PPP3R1: variants seen among roughly 807,000 people sequenced by gnomAD.
PPP3R1 encodes the protein protein phosphatase 3 regulatory subunit B, alpha, also known as calcineurin subunit B type 1.
A neutral mutation model predicts 22.6 loss-of-function variants in PPP3R1; 5 were observed. That is an observed-to-expected ratio of 0.22 (90% CI 0.12 to 0.46). PPP3R1 has a LOEUF of 0.46. PPP3R1 is among the 20% of genes least tolerant of loss of function. PPP3R1 has a pLI of 0.99. For missense variants in PPP3R1, 61 were observed against 203.2 expected (o/e 0.30, Z 4.25); for synonymous variants, 56 against 65.2 (o/e 0.86, Z 0.68).
intron 2 of PPP3R1, among the ~76,000 whole-genome samples, chr2:68,198,192 A>ATATGTGCATACATATATACAT (rs1674843681): frequency 6.9e-6 from 1 of 145,944 alleles, no homozygotes; most frequent in African/African-American, 2.5e-5. Flanking sequence ...TATAATATAT[A>ATATGTGCATACATATATACAT]TTTACATATA....
chr2:68,197,580 A>G (rs1164612092), intron 2 of PPP3R1, among the ~76,000 whole-genome samples: 1 of 152,160 alleles, frequency 6.6e-6, no homozygotes, highest in Non-Finnish European at 1.5e-5. Context: ...TCCCATCAGC[A>G]ATATATGATT....
At chr2:68,223,839 G>T (rs73935316) in intron 1 of PPP3R1, among the ~76,000 whole-genome samples, 4,907 of 149,770 alleles carry the variant, frequency 0.033, 289 homozygotes, top group African/African-American at 0.11. Context: ...TATACAGATT[G>T]GAAAGGAATA....
In PPP3R1 at chr2:68,206,557, G is replaced by A. The variant is rs1158979507; in HGVS notation, c.43+10535C>T. ...TGTCGGTAACATATAAGGAGACTGA[G>A]AGAAATAACTACACAGGTCAAAGAA... is the stretch of plus-strand genomic sequence containing the variant. On this transcript the variant is annotated intron_variant, in intron 2 of 5. Coordinates refer to ENST00000234310, the MANE Select transcript of PPP3R1 (RefSeq NM_000945.4). Among the ~76,000 whole-genome samples, 3 of 152,302 alleles carry A rather than the reference G, an allele frequency of 2.0e-5. No homozygotes were observed. In the East Asian group the frequency reaches 5.8e-4, roughly 29 times the overall value.
At chr2:68,224,227 C>T (rs1189966244) in intron 1 of PPP3R1, among the ~76,000 whole-genome samples, 2 of 152,060 alleles carry the variant, frequency 1.3e-5, no homozygotes, top group Non-Finnish European at 2.9e-5. Context: ...GAAGACAATC[C>T]TAATAAAAAT....
At chr2:68,250,415 A>G (rs577062541) in intron 1 of PPP3R1, among the ~76,000 whole-genome samples, 5 of 152,348 alleles carry the variant, frequency 3.3e-5, no homozygotes, top group Admixed American at 3.3e-4. Context: ...ACTTCGCTGT[A>G]TAATATATAA....
At chr2:68,221,115 T>C (rs1351019728) in intron 1 of PPP3R1, among the ~76,000 whole-genome samples, 1 of 152,098 alleles carries the variant, frequency 6.6e-6, no homozygotes, top group Non-Finnish European at 1.5e-5. Flanking sequence ...GCAGATCACT[T>C]GAGGTCAGGA....
At chr2:68,240,803 A>T (rs1180544652) in intron 1 of PPP3R1, among the ~76,000 whole-genome samples, 2 of 152,230 alleles carry the variant, frequency 1.3e-5, no homozygotes, top group Non-Finnish European at 2.9e-5. Context: ...CTTTTAGGCT[A>T]TGTTGAAGAT....
chr2:68,182,863 T>C (rs918511163), intron 5 of PPP3R1, among the ~76,000 whole-genome samples: 29 of 152,380 alleles, frequency 1.9e-4, no homozygotes, highest in African/African-American at 5.8e-4. Context: ...CTGGGTGTTC[T>C]ATGTAATTAT....
chr2:68,245,847 T>G (rs1025167433), intron 1 of PPP3R1, among the ~76,000 whole-genome samples: 5 of 152,188 alleles, frequency 3.3e-5, no homozygotes, highest in Non-Finnish European at 7.3e-5. Flanking sequence ...CTTTCCAGCC[T>G]AAACTCTTAT....
chr2:68,246,249 A>G (rs1318849998), intron 1 of PPP3R1, among the ~76,000 whole-genome samples: 2 of 150,908 alleles, frequency 1.3e-5, no homozygotes, highest in Admixed American at 1.3e-4. Context: ...TAATTTTTGT[A>G]TTTTTAGTAG....
At chr2:68,250,135 T>C (rs765576633) in intron 1 of PPP3R1, among the ~76,000 whole-genome samples, 2 of 151,602 alleles carry the variant, frequency 1.3e-5, no homozygotes, top group Admixed American at 6.6e-5. Flanking sequence ...TGAAATGGTA[T>C]TGGGAGGATG....
chr2:68,205,328 T>C (rs1234820272), intron 2 of PPP3R1, among the ~76,000 whole-genome samples: 4 of 149,440 alleles, frequency 2.7e-5, no homozygotes, highest in Non-Finnish European at 4.4e-5. Flanking sequence ...CTGCCACCTC[T>C]GCCTCCCGGG....
intron 1 of PPP3R1, among the ~76,000 whole-genome samples, chr2:68,219,710 T>C (rs911725231): frequency 1.3e-5 from 2 of 152,180 alleles, no homozygotes; most frequent in African/African-American, 4.8e-5. Flanking sequence ...ATAGATACTG[T>C]GAGAGACATA....
intron 1 of PPP3R1, among the ~76,000 whole-genome samples, chr2:68,243,334 T>C (rs1670168530): frequency 6.6e-6 from 1 of 152,202 alleles, no homozygotes; most frequent in Non-Finnish European, 1.5e-5. Context: ...AATTATACTG[T>C]CAATTCACAA....
At chr2:68,245,478 T>G (rs72896447) in intron 1 of PPP3R1, among the ~76,000 whole-genome samples, 5,155 of 152,306 alleles carry the variant, frequency 0.034, 259 homozygotes, top group African/African-American at 0.11. Flanking sequence ...AAGCTCACCT[T>G]CTTCTAACAC....
chr2:68,198,333 A>C (rs1157147745), intron 2 of PPP3R1, among the ~76,000 whole-genome samples: 9 of 91,146 alleles, frequency 9.9e-5, no homozygotes, highest in Non-Finnish European at 1.7e-4. Flanking sequence ...ACATATGTAC[A>C]TATATGTACA....
intron 1 of PPP3R1, among the ~76,000 whole-genome samples, chr2:68,238,637 G>T (rs1670061938): frequency 6.6e-6 from 1 of 152,050 alleles, no homozygotes; most frequent in African/African-American, 2.4e-5. Context: ...AAACTCTCAT[G>T]GCAATAGGTA....
intron 1 of PPP3R1, among the ~76,000 whole-genome samples, chr2:68,233,958 A>G (rs923740205): frequency 6.6e-6 from 1 of 152,260 alleles, no homozygotes; most frequent in African/African-American, 2.4e-5. Flanking sequence ...AAACAGAGAA[A>G]TAACATTTAC....
intron 2 of PPP3R1, among the ~76,000 whole-genome samples, chr2:68,215,783 A>G (rs554340038): frequency 6.6e-6 from 1 of 152,284 alleles, no homozygotes; most frequent in East Asian, 1.9e-4. Flanking sequence ...CAGAGGATAT[A>G]AAGAAATTAG....
Sources: gnomAD v4.1 joint callset for allele counts (sites outside exome capture counted in the v4.1 genomes callset) on GRCh38, gnomAD v4.1.1 for gene constraint, MANE v1.5 for transcripts, NCBI Gene and HGNC (gene_info 2026-07-23, HGNC 2026-07-21) for gene names.